R3HDM1: variants seen among roughly 807,000 people sequenced by gnomAD.
R3HDM1 encodes the protein R3H domain-containing protein 1.
R3HDM1 carries 46 observed loss-of-function variants against 141.1 expected under a neutral mutation model. The observed-to-expected ratio is 0.33, with a 90% CI of 0.26 to 0.42. The LOEUF (loss-of-function observed/expected upper bound fraction) is 0.42, where lower values mean the gene tolerates loss of function less well. Ranked by LOEUF, R3HDM1 falls within the 10% of genes least tolerant of loss-of-function variation. The probability of loss-of-function intolerance (pLI) is 1.00; values close to 1 mark genes in which losing one functional copy is unlikely to be tolerated. For missense variants in R3HDM1, 1,184 were observed against 1,368.3 expected, an observed-to-expected ratio of 0.87 and a Z score of 2.12; for synonymous variants, 435 against 472.9, an observed-to-expected ratio of 0.92 and a Z score of 1.04.
intron 1 of R3HDM1, chr2:135,576,881 G>T: frequency 5.8e-6 from 1 of 173,910 alleles, no homozygotes; most frequent in Non-Finnish European, 1.1e-5. Flanking sequence ...CTGATGAAAG[G>T]TACAGTAGTT....
chr2:135,618,139 A>G (rs1339635911), intron 5 of R3HDM1, among the ~76,000 whole-genome samples: 4 of 151,858 alleles, frequency 2.6e-5, no homozygotes, highest in East Asian at 3.9e-4. Context: ...TGCATCAGAA[A>G]CATAGGGCTG....
In R3HDM1 at chr2:135,588,402, C is replaced by A. The variant is rs370790438; in HGVS notation, c.-249-14098C>A. On this transcript the variant is annotated intron_variant, in intron 1 of 26. Coordinates refer to ENST00000683871, the MANE Select transcript of R3HDM1 (RefSeq NM_001378107.1). ...TCCCTTTCCCACCCTACTCCCAGAT[C>A]TTTCTCTTTTCTGTCTAAGCTTCAG... is the stretch of plus-strand genomic sequence containing the variant. 3.3e-5 allele frequency among the ~76,000 whole-genome samples: 5 copies of A among 152,210 alleles called. No homozygotes were observed. The East Asian group carries it at 9.6e-4, about 29-fold the overall frequency.
At chr2:135,632,100 A>T in intron 9 of R3HDM1, 99 bp downstream of exon 9, 1 of 1,029,370 alleles carries the variant, frequency 9.7e-7, no homozygotes, top group Non-Finnish European at 1.3e-6. Flanking sequence ...ATGTTTTAAC[A>T]GTCTAATTAA....
chr2:135,722,476 C>G lies in R3HDM1; in HGVS notation c.2972C>G (p.Pro991Arg). Residue 991 changes from proline (P) to arginine (R), a missense_variant, in exon 26 of 27, where the codon CCT (proline) becomes CGT (arginine). Physicochemically the swap from Pro to Arg is moderately radical, Grantham distance 103. Around this residue, in one of 5 missense-constraint regions of R3HDM1, gnomAD observed 182 missense variants for 252.6 expected, o/e 0.72. Coordinates refer to ENST00000683871, the MANE Select transcript of R3HDM1 (RefSeq NM_001378107.1). ...CTATTTGTGGGTTTTCAGGGTCAGC[C>G]TGGCAGCAGGCATGGAAACCGAGGA... Reference protein sequence around the residue: ...HGHIPNQQGQPGSRHGNRGRR... With the variant: ...HGHIPNQQGQRGSRHGNRGRR... 6.2e-7 allele frequency: 1 copy of G among 1,613,740 alleles called. No homozygotes were observed. The highest frequency in any genetic ancestry group is 8.5e-7 in the Non-Finnish European group (1 of 1,179,998).
At chr2:135,635,654 A>G (rs954508158) in intron 9 of R3HDM1, among the ~76,000 whole-genome samples, 2 of 152,220 alleles carry the variant, frequency 1.3e-5, no homozygotes, top group African/African-American at 4.8e-5. Context: ...ATCCAAGCGG[A>G]CTGACTCCAG....
chr2:135,607,818 A>G (rs1243356827), intron 3 of R3HDM1: 13 of 976,560 alleles, frequency 1.3e-5, no homozygotes, highest in Middle Eastern at 5.2e-4. Context: ...AATTTCCCAC[A>G]TTACCCAAAC....
intron 21 of R3HDM1, among the ~76,000 whole-genome samples, chr2:135,688,750 A>G (rs1029745928): frequency 3.3e-5 from 5 of 152,194 alleles, no homozygotes; most frequent in African/African-American, 1.2e-4. Context: ...AGCCTGGCCA[A>G]CATGGTGAAA....
chr2:135,693,690 T>A (rs541945640), intron 21 of R3HDM1, among the ~76,000 whole-genome samples: 2 of 152,294 alleles, frequency 1.3e-5, no homozygotes, highest in African/African-American at 2.4e-5. Context: ...CTTTGAAAAC[T>A]AGAAGAGAAA....
chr2:135,618,826 C>A (rs1390807202), intron 5 of R3HDM1, among the ~76,000 whole-genome samples: 2 of 151,940 alleles, frequency 1.3e-5, no homozygotes, highest in African/African-American at 4.8e-5. Context: ...TCAAGACCAG[C>A]CTGGCCAACA....
chr2:135,640,362 G>A (rs1258380141), intron 14 of R3HDM1, among the ~76,000 whole-genome samples: 1 of 152,128 alleles, frequency 6.6e-6, no homozygotes, highest in Non-Finnish European at 1.5e-5. Context: ...GTCTACTTGT[G>A]TACCAAATAT....
rs751840407 is a variant in R3HDM1 at position 135,651,875 on chromosome 2, C to T, written c.1871C>T (p.Pro624Leu). The change falls in exon 18 of 27, where the codon CCT becomes CTT. Residue 624 changes from proline (P) to leucine (L), a missense_variant. Transcript: ENST00000683871. ...TCTGGTTATATCATGACAGCAGCCC[C>T]TCCACCACATCCTCCTCCACCGCCA... ...QQSGYIMTAA[P>L]PPHPPPPPPP... is the part of the protein sequence containing the mutation. 7.4e-6 allele frequency: 12 copies of T among 1,613,930 alleles called. No individual in the cohort carries two copies. The Admixed American group carries it at 2.0e-4, about 27-fold the overall frequency.
intron 20 of R3HDM1, among the ~76,000 whole-genome samples, chr2:135,678,376 A>G (rs1407154097): frequency 6.6e-6 from 1 of 152,024 alleles, no homozygotes; most frequent in Non-Finnish European, 1.5e-5. Flanking sequence ...TACTAATCTA[A>G]GGTCTTATAG....
At chr2:135,630,502 AT>A (rs952648811) in intron 7 of R3HDM1, among the ~76,000 whole-genome samples, 4 of 151,898 alleles carry the variant, frequency 2.6e-5, no homozygotes, top group East Asian at 1.9e-4. Flanking sequence ...TTTTCTGTTG[AT>A]TTTTTTTAAA....
Position 135,604,837 on chromosome 2 carries a change from C to T in R3HDM1, c.-9C>T, listed in dbSNP as rs374677195. ...AGCTCCCTGTAGAATTCGAAAATAA[C>T]CTTTTCTAATGAGGATGTCTGATAC... On this transcript the variant is annotated 5_prime_UTR_variant, in exon 3 of 27. Coordinates refer to ENST00000683871, the MANE Select transcript of R3HDM1 (RefSeq NM_001378107.1). 10 of 1,610,616 alleles carry T rather than the reference C, an allele frequency of 6.2e-6. No homozygotes were observed. Among genetic ancestry groups the T allele is most frequent in the African/African-American group, 1.3e-5 (1 of 74,738 alleles).
In R3HDM1 at chr2:135,638,761, A is replaced by G. The variant is rs1375276898; in HGVS notation, c.964A>G (p.Ser322Gly). 11 of 1,614,028 alleles carry G rather than the reference A, an allele frequency of 6.8e-6. No individual in the cohort carries two copies. The East Asian group carries it at 2.4e-4, about 36-fold the overall frequency. The change falls in exon 13 of 27, where the codon AGT (serine) becomes GGT (glycine). Residue 322 changes from serine to glycine, a missense_variant. Ser to Gly is a moderately conservative substitution (Grantham distance 56). Around this residue, in one of 5 missense-constraint regions of R3HDM1, gnomAD observed 240 missense variants for 312.3 expected, o/e 0.77. Coordinates refer to ENST00000683871, the MANE Select transcript of R3HDM1 (RefSeq NM_001378107.1). ...DKRLQDEDASSTQQRRQIFRV... is the reference protein window; with the variant it reads ...DKRLQDEDASGTQQRRQIFRV... ...CAGACTCCAAGACGAGGATGCCAGT[A>G]GTACCCAGCAGAGGCGCCAGATATT... is the stretch of plus-strand genomic sequence containing the variant.
Position 135,612,755 on chromosome 2 carries a change from A to G in R3HDM1, c.172-3397A>G, listed in dbSNP as rs546649235. On this transcript the variant is annotated intron_variant, in intron 3 of 26. Coordinates refer to ENST00000683871, the MANE Select transcript of R3HDM1 (RefSeq NM_001378107.1). ...TTTGCTGTGACAGTGAAATTCTGCTAAGGGTGAAAAGTGTGCTCTAAATAA... is the reference window on the plus strand; with the variant it reads ...TTTGCTGTGACAGTGAAATTCTGCTGAGGGTGAAAAGTGTGCTCTAAATAA... Among the ~76,000 whole-genome samples, 14 of 152,330 alleles carry G rather than the reference A, an allele frequency of 9.2e-5. No homozygotes were observed. The East Asian group carries it at 1.2e-3, about 13-fold the overall frequency.
intron 1 of R3HDM1, among the ~76,000 whole-genome samples, chr2:135,596,073 A>G (rs2059152141): frequency 6.6e-6 from 1 of 152,126 alleles, no homozygotes; most frequent in East Asian, 1.9e-4. Flanking sequence ...ATCTCAGCTC[A>G]CTGCAACCTC....
Position 135,724,069 on chromosome 2 carries a change from G to T in R3HDM1, c.3182G>T (p.Arg1061Leu). The change falls in exon 27 of 27, where the codon CGT becomes CTT. Residue 1061 changes from arginine (R) to leucine (L), a missense_variant. Arg to Leu is a moderately radical substitution (Grantham distance 102). Transcript: ENST00000683871. ...CTCCGGGACCCCCAGTCCCAACCAC[G>T]TCGTCACCCCCTCTGCTGTGGCAGT... ...RWLRDPQSQP[R>L]RHPLCCGSGD... is the part of the protein sequence containing the mutation. 1 of 1,614,080 alleles carries T rather than the reference G, an allele frequency of 6.2e-7. No individual in the cohort carries two copies.
At position 135,699,045 on chromosome 2, in the gene R3HDM1, A is replaced by AGATAGATTGATT. The variant is rs202144929; in HGVS notation, c.2460-10388_2460-10387insGATAGATTGATT. On this transcript the variant is annotated intron_variant, in intron 21 of 26. Transcript: ENST00000683871. The stretch of plus-strand genomic sequence containing the variant: ...TAGATAGATAGATAGATAGATAGAT[A>AGATAGATTGATT]AGATAGATAAGATAGATTGATTAGA... 2.4e-4 allele frequency among the ~76,000 whole-genome samples: 31 copies of AGATAGATTGATT among 129,890 alleles called. 1 individual carries two copies. The highest frequency in any genetic ancestry group is 2.2e-3 in the East Asian group (10 of 4,524). The allele number at this position is 129,890 out of a possible 152,430, so 85.2% of individuals were successfully genotyped here.
Sources: gnomAD v4.1 joint callset for allele counts (sites outside exome capture counted in the v4.1 genomes callset) on GRCh38, gnomAD v4.1.1 for gene constraint, gnomAD v4.1.1 regional missense constraint, MANE v1.5 for transcripts, NCBI Gene and HGNC (gene_info 2026-07-23, HGNC 2026-07-21) for gene names.